The following CDK19 variants were observed in gnomAD, a reference collection of about 807,000 sequenced individuals.
The protein encoded by CDK19 is cyclin dependent kinase 19.
Under a neutral mutation model 68.3 loss-of-function variants are expected in CDK19, and 20 were observed. That is an observed-to-expected ratio of 0.29 (90% CI 0.21 to 0.43). The LOEUF (loss-of-function observed/expected upper bound fraction) is 0.43, where lower values mean the gene tolerates loss of function less well. CDK19 is among the 20% of genes least tolerant of loss of function. The pLI is 1.00. For synonymous variants in CDK19, 221 were observed against 222.8 expected (o/e 0.99, Z 0.07); for missense variants, 339 against 623.5 (o/e 0.54, Z 4.86).
intron 12 of CDK19, among the ~76,000 whole-genome samples, chr6:110,616,621 T>A (rs1449141514): frequency 6.6e-6 from 1 of 151,650 alleles, no homozygotes; most frequent in African/African-American, 2.4e-5. Context: ...TGAGTCAAGA[T>A]TGGCGCCACT....
intron 2 of CDK19, among the ~76,000 whole-genome samples, chr6:110,719,993 C>G (rs1196695222): frequency 7.9e-6 from 1 of 126,210 alleles, no homozygotes; most frequent in Non-Finnish European, 1.7e-5. Flanking sequence ...CCCACCCCCC[C>G]CCTGCTTCGG....
chr6:110,814,419 G>A (rs1474579723), intron 1 of CDK19, among the ~76,000 whole-genome samples: 2 of 152,246 alleles, frequency 1.3e-5, no homozygotes, highest in Non-Finnish European at 2.9e-5. Flanking sequence ...CAACAGGGAT[G>A]GGAGGACTGC....
At chr6:110,765,254 C>G (rs962462158) in intron 1 of CDK19, among the ~76,000 whole-genome samples, 1 of 151,808 alleles carries the variant, frequency 6.6e-6, no homozygotes, top group African/African-American at 2.4e-5. Flanking sequence ...CACGTCTCTA[C>G]AAAAAATTAA....
chr6:110,697,536 C>T (rs896737487), intron 2 of CDK19, among the ~76,000 whole-genome samples: 2 of 152,026 alleles, frequency 1.3e-5, no homozygotes, highest in Admixed American at 6.6e-5. Context: ...GAAACACATC[C>T]CCTGCTTATG....
At chr6:110,799,724 G>A (rs1158563168) in intron 1 of CDK19, among the ~76,000 whole-genome samples, 2 of 151,866 alleles carry the variant, frequency 1.3e-5, no homozygotes, top group African/African-American at 4.8e-5. Context: ...CAGCCCCCAA[G>A]TTAGCTAGGA....
chr6:110,804,064 C>T (rs1405223638), intron 1 of CDK19, among the ~76,000 whole-genome samples: 1 of 152,116 alleles, frequency 6.6e-6, no homozygotes, highest in Non-Finnish European at 1.5e-5. Context: ...CATGGACTTA[C>T]CTTTCTGTCC....
chr6:110,677,045 T>C (rs541139273), intron 2 of CDK19, among the ~76,000 whole-genome samples: 1 of 152,328 alleles, frequency 6.6e-6, no homozygotes, highest in South Asian at 2.1e-4. Flanking sequence ...TGGGTTTCTA[T>C]AAGTCACTAA....
rs1383439130 is a variant in CDK19, at chr6:110,635,578, CG to C, written c.514+3070del. Among the ~76,000 whole-genome samples the C allele has an allele frequency of 1.1e-4, 17 of 152,210 alleles. No homozygotes were observed. In the East Asian group the frequency reaches 3.3e-3, roughly 29 times the overall value. On this transcript the variant is annotated intron_variant, in intron 5 of 12. Transcript: ENST00000368911. Reference sequence around the variant, plus strand: ...CCTCCCATATGGAGTCTTGCTCTGTCGCCCAGGCTGGAGTGCAGTGGCATGA... The same window carrying C: ...CCTCCCATATGGAGTCTTGCTCTGTCCCCAGGCTGGAGTGCAGTGGCATGA...
At position 110,774,300 on chromosome 6, in the gene CDK19, C is replaced by CA. The variant is rs528105593; in HGVS notation, c.129-28100_129-28099insT. The stretch of plus-strand genomic sequence containing the variant: ...AGCCAATACATATGCAGTAGTCCCC[C>CA]CTTATCCATGGGGAATACGTTCCAA... On this transcript the variant is annotated intron_variant, in intron 1 of 12. Coordinates refer to ENST00000368911, the MANE Select transcript of CDK19 (RefSeq NM_015076.5). Among the ~76,000 whole-genome samples the CA allele has an allele frequency of 5.2e-4, 79 of 152,262 alleles. No homozygotes were observed. In the South Asian group the frequency reaches 0.013, roughly 25 times the overall value.
At chr6:110,619,297 G>A (rs1778560335) in intron 12 of CDK19, among the ~76,000 whole-genome samples, 1 of 152,246 alleles carries the variant, frequency 6.6e-6, no homozygotes, top group African/African-American at 2.4e-5. Context: ...GTCTATAATT[G>A]ACTACAATTG....
At chr6:110,739,688 T>G (rs1777507205) in intron 2 of CDK19, among the ~76,000 whole-genome samples, 1 of 151,840 alleles carries the variant, frequency 6.6e-6, no homozygotes, top group African/African-American at 2.4e-5. Flanking sequence ...TGGAGTGTAG[T>G]GGTGCAATCG....
intron 1 of CDK19, among the ~76,000 whole-genome samples, chr6:110,795,789 A>T (rs1781894811): frequency 6.6e-6 from 1 of 152,172 alleles, no homozygotes; most frequent in Non-Finnish European, 1.5e-5. Context: ...GAGTTCAGTA[A>T]AGCATTGCAT....
intron 2 of CDK19, among the ~76,000 whole-genome samples, chr6:110,715,720 C>T (rs1775335688): frequency 6.6e-6 from 1 of 152,182 alleles, no homozygotes; most frequent in South Asian, 2.1e-4. Context: ...TCGTGGACCT[C>T]ACATGATCCA....
rs557549096 is a variant in CDK19 at position 110,714,085 on chromosome 6, A to G, written c.204+32041T>C. On this transcript the variant is annotated intron_variant, in intron 2 of 12. Coordinates refer to ENST00000368911, the MANE Select transcript of CDK19 (RefSeq NM_015076.5). ...GAAACAGCATATCCATTAAGCAACA[A>G]CTCCCCATTCTCCCTTCATCCCAGC... Among the ~76,000 whole-genome samples, 203 of 152,088 alleles carry G rather than the reference A, an allele frequency of 1.3e-3. 2 individuals carry two copies. The highest frequency in any genetic ancestry group is 3.4e-3 in the Middle Eastern group (1 of 294).
chr6:110,742,460 A>ATT (rs1777751520), intron 2 of CDK19, among the ~76,000 whole-genome samples: 1 of 152,190 alleles, frequency 6.6e-6, no homozygotes, highest in African/African-American at 2.4e-5. Context: ...AATAACAGTG[A>ATT]TTTTCAGGGA....
chr6:110,679,702 CCTT>C (rs1255530610), intron 2 of CDK19, among the ~76,000 whole-genome samples: 2 of 152,082 alleles, frequency 1.3e-5, no homozygotes, highest in Non-Finnish European at 2.9e-5. Context: ...CATAATTTTA[CCTT>C]TTTTGAAAAC....
chr6:110,626,750 G>A (rs1286212909), intron 8 of CDK19, 26 bp downstream of exon 8: 9 of 1,369,982 alleles, frequency 6.6e-6, no homozygotes, highest in South Asian at 1.3e-5. Flanking sequence ...AGCACAAAAA[G>A]ACTAAGACTG....
intron 1 of CDK19, among the ~76,000 whole-genome samples, chr6:110,797,984 C>CAAAAAAAAA (rs56710819): frequency 1.1e-3 from 95 of 87,070 alleles, no homozygotes; most frequent in Non-Finnish European, 1.4e-3. Flanking sequence ...GACTCCGTCT[C>CAAAAAAAAA]AAAAAAAAAA....
Position 110,613,438 on chromosome 6 carries a change from T to C in CDK19, c.*1097A>G, listed in dbSNP as rs1408679999. 1 of 152,644 alleles carries C rather than the reference T, an allele frequency of 6.6e-6. No individual in the cohort carries two copies. The highest frequency in any genetic ancestry group is 1.5e-5 in the Non-Finnish European group (1 of 68,042). The allele number at this position is 152,644 out of a possible 1,614,324, so 9.5% of individuals were successfully genotyped here. On this transcript the variant is annotated 3_prime_UTR_variant, in exon 13 of 13. Coordinates refer to ENST00000368911, the MANE Select transcript of CDK19 (RefSeq NM_015076.5). ...ACATGCTTTAAAAATAGTCACTCTA[T>C]ATCTAATACAAATACGAATGGAGAA...
Sources: allele counts gnomAD v4.1 joint callset (sites outside exome capture counted in the v4.1 genomes callset), GRCh38; gene constraint gnomAD v4.1.1; transcripts MANE v1.5; gene names NCBI Gene and HGNC (gene_info 2026-07-23, HGNC 2026-07-21).